Variants in PDIA4 observed in about 807,000 individuals in gnomAD.
The protein encoded by PDIA4 is protein disulfide isomerase family A member 4.
In PDIA4, 33 loss-of-function variants were observed where a neutral mutation model predicts 62.1. That is an observed-to-expected ratio of 0.53 (90% CI 0.40 to 0.71). The LOEUF is 0.71. Ranked by LOEUF, PDIA4 falls within the 30% of genes least tolerant of loss-of-function variation. PDIA4 has a pLI of 0.00. For missense variants in PDIA4, 804 were observed against 813.6 expected (o/e 0.99, Z 0.14); for synonymous variants, 341 against 324.1 (o/e 1.05, Z -0.56).
At chr7:149,004,777 T>G (rs1158704789) in intron 9 of PDIA4, among the ~76,000 whole-genome samples, 1 of 152,204 alleles carries the variant, frequency 6.6e-6, no homozygotes. Flanking sequence ...GGCCCTAGTC[T>G]GGAATTTTAG....
intron 1 of PDIA4, among the ~76,000 whole-genome samples, chr7:149,023,532 G>A (rs969649677): frequency 3.9e-5 from 6 of 152,066 alleles, no homozygotes; most frequent in East Asian, 1.9e-4. Flanking sequence ...TGGCAGTTAA[G>A]TAGTGCTTTG....
rs149735013 is a variant in PDIA4 at position 149,006,021 on chromosome 7, G to C, written c.1164C>G (p.Phe388Leu). 8 of 1,564,464 alleles carry C rather than the reference G, an allele frequency of 5.1e-6. No individual in the cohort carries two copies. The highest frequency in any genetic ancestry group is 2.0e-5 in the Admixed American group (1 of 49,184). Reference protein sequence around the residue: ...GSTQDSAIKDFVLKYALPLVG... With the variant: ...GSTQDSAIKDLVLKYALPLVG... ...CCAGGGGCAGGGCGTACTTCAGCAC[G>C]AAGTCCTTGATGGCCGAGTCCTGGG... Residue 388 changes from phenylalanine (F) to leucine (L), a missense_variant, in exon 8 of 10, where the codon TTC becomes TTG. Coordinates refer to ENST00000652332, the MANE Select transcript of PDIA4 (RefSeq NM_004911.5).
rs557254018 is a variant in PDIA4, at chr7:149,024,426, C to T, written c.89-3279G>A. 7.2e-5 allele frequency among the ~76,000 whole-genome samples: 11 copies of T among 152,230 alleles called. No individual in the cohort carries two copies. In the South Asian group the frequency reaches 2.3e-3, roughly 32 times the overall value. On this transcript the variant is annotated intron_variant, in intron 1 of 9. Coordinates refer to ENST00000652332, the MANE Select transcript of PDIA4 (RefSeq NM_004911.5). The stretch of plus-strand genomic sequence containing the variant: ...CTCTAGCCTTCTATCTACCAGAAAC[C>T]CACACATCCCTGCAAGCAAAACAGT...
rs915231590 is a variant in PDIA4 at position 149,003,911 on chromosome 7, G to A, written c.1821C>T (p.Pro607=). The change falls in exon 10 of 10, where the codon CCC becomes CCT. Residue 607 remains proline (P), a synonymous_variant. Transcript: ENST00000652332. ...VEGFPTIYFA[P]SGDKKNPVKF... ...TAACTGGGTTCTTTTTGTCCCCACT[G>A]GGGGCGAAGTAGATGGTGGGGAAGC... The A allele has an allele frequency of 9.9e-6, 16 of 1,613,232 alleles. No individual in the cohort carries two copies. Among genetic ancestry groups the A allele is most frequent in the African/African-American group, 6.7e-5 (5 of 74,880 alleles).
Position 149,012,235 on chromosome 7 carries a change from A to C in PDIA4, c.740T>G (p.Phe247Cys). ...CAGGGTGGGATAGCCAGAGACATCA[A>C]ACCTCTTGGCCAGGTCTGTTTCTGC... ...ATAETDLAKR[F>C]DVSGYPTLKI... Residue 247 changes from phenylalanine (F) to cysteine (C), a missense_variant, in exon 5 of 10, where the codon TTT becomes TGT. By Grantham distance (205) the Phe-to-Cys change is radical. Transcript: ENST00000652332. The C allele has an allele frequency of 6.2e-7, 1 of 1,613,992 alleles. No homozygotes were observed. Among genetic ancestry groups the C allele is most frequent in the Non-Finnish European group, 8.5e-7 (1 of 1,179,958 alleles).
At position 149,005,196 on chromosome 7, in the gene PDIA4, C is replaced by T; in HGVS notation, c.1467G>A (p.Glu489=). ...GGGTGTCAGAGTCAAACTCCTCTGG[C>T]TCCATGGCGAACTTCTTCCCACTCT... ...LDESGKKFAM[E]PEEFDSDTLR... is the part of the protein sequence containing the mutation. Residue 489 remains glutamate (E), a synonymous_variant, in exon 9 of 10, where the codon GAG becomes GAA. Coordinates refer to ENST00000652332, the MANE Select transcript of PDIA4 (RefSeq NM_004911.5). The T allele has an allele frequency of 6.2e-7, 1 of 1,614,174 alleles. No homozygotes were observed. Among genetic ancestry groups the T allele is most frequent in the Non-Finnish European group, 8.5e-7 (1 of 1,180,014 alleles).
chr7:149,022,726 C>T (rs1451840648), intron 1 of PDIA4, among the ~76,000 whole-genome samples: 6 of 152,284 alleles, frequency 3.9e-5, no homozygotes, highest in East Asian at 1.9e-4. Context: ...TGCCTAGCCA[C>T]GGAGGCAGCC....
chr7:149,004,238 C>A (rs775815746), intron 9 of PDIA4, 29 bp from the exon 10 acceptor site: 4 of 1,592,298 alleles, frequency 2.5e-6, no homozygotes, highest in Middle Eastern at 3.6e-4. Flanking sequence ...CGGGAGGGGG[C>A]GTCAGTGCTG....
In PDIA4 at chr7:149,028,358, C is replaced by T; in HGVS notation, c.51G>A (p.Gln17=). Residue 17 remains glutamine, a synonymous_variant, in exon 1 of 10, where the codon CAG becomes CAA. Coordinates refer to ENST00000652332, the MANE Select transcript of PDIA4 (RefSeq NM_004911.5). ...CCTCGGCACCCGCCACGGCCAGCAG[C>T]TGCACCAGCCCCAAGAGCAGCAGGA... ...FLLLLLLGLV[Q]LLAVAGAEGP... 4 of 1,527,298 alleles carry T rather than the reference C, an allele frequency of 2.6e-6. No homozygotes were observed. Among genetic ancestry groups the T allele is most frequent in the Non-Finnish European group, 3.5e-6 (4 of 1,138,922 alleles). The allele number at this position is 1,527,298 out of a possible 1,614,324, so 94.6% of individuals were successfully genotyped here. A position where few individuals can be genotyped will look rare whatever the true frequency, so the allele number is the denominator to read the frequency against.
At position 149,028,448 on chromosome 7, in the gene PDIA4, C is replaced by T. The variant is rs777565073; in HGVS notation, c.-40G>A. The T allele has an allele frequency of 4.6e-5, 63 of 1,370,458 alleles. No individual in the cohort carries two copies. Among genetic ancestry groups the T allele is most frequent in the African/African-American group, 1.1e-4 (7 of 65,334 alleles). The allele number at this position is 1,370,458 out of a possible 1,614,324, so 84.9% of individuals were successfully genotyped here. A position where few individuals can be genotyped will look rare whatever the true frequency, so the allele number is the denominator to read the frequency against. ...AGCGCGGCCTCCTAGCGTCGGCGGC[C>T]GCTGAGCGCACCGAGAACTCGGGGT... On this transcript the variant is annotated 5_prime_UTR_variant, in exon 1 of 10. Transcript: ENST00000652332.
intron 3 of PDIA4, among the ~76,000 whole-genome samples, 166 bp downstream of exon 3, chr7:149,018,826 C>A (rs1465378440): frequency 7.1e-6 from 1 of 140,262 alleles, no homozygotes; most frequent in Non-Finnish European, 1.6e-5. Context: ...ACTACTCCCC[C>A]CTCCTACCCC....
Position 149,006,415 on chromosome 7 carries a change from T to C in PDIA4, c.1132-362A>G, listed in dbSNP as rs1009231032. On this transcript the variant is annotated intron_variant, in intron 7 of 9. Coordinates refer to ENST00000652332, the MANE Select transcript of PDIA4 (RefSeq NM_004911.5). ...TGTGGAACTTTCCACCTTCAGCTTG[T>C]GCGGTCTTCACGCAGGAGGTCCTGA... is the stretch of plus-strand genomic sequence containing the variant. The C allele has an allele frequency of 1.7e-4, 33 of 198,214 alleles. 1 individual carries two copies. Among genetic ancestry groups the C allele is most frequent in the African/African-American group, 7.3e-4 (31 of 42,346 alleles). The allele number at this position is 198,214 out of a possible 1,614,324, so 12.3% of individuals were successfully genotyped here. A position where few individuals can be genotyped will look rare whatever the true frequency, so the allele number is the denominator to read the frequency against.
At chr7:149,004,348 A>G in intron 9 of PDIA4, 139 bp from the exon 10 acceptor site, 1 of 767,448 alleles carries the variant, frequency 1.3e-6, no homozygotes, top group Non-Finnish European at 2.1e-6. Flanking sequence ...CTACTGTAGA[A>G]AGTAGTAGCT....
intron 2 of PDIA4, 39 bp from the exon 3 acceptor site, chr7:149,019,236 T>A (rs1824258367): frequency 7.3e-7 from 1 of 1,362,152 alleles, no homozygotes. Context: ...ACGTTAACTG[T>A]ACCTATGGGA....
intron 1 of PDIA4, among the ~76,000 whole-genome samples, chr7:149,024,045 G>A (rs1348839664): frequency 6.6e-6 from 1 of 152,184 alleles, no homozygotes; most frequent in East Asian, 1.9e-4. Context: ...TCAGGAGTTT[G>A]AGACCAGCCT....
chr7:149,012,208 T>G lies in PDIA4; in HGVS notation c.767A>C (p.Lys256Thr). The G allele has an allele frequency of 6.2e-7, 1 of 1,614,122 alleles. No individual in the cohort carries two copies. Among genetic ancestry groups the G allele is most frequent in the South Asian group, 1.1e-5 (1 of 91,074 alleles). The change falls in exon 5 of 10, where the codon AAA (lysine) becomes ACA (threonine). Residue 256 changes from lysine (K) to threonine (T), a missense_variant. Transcript: ENST00000652332. ...ATAAGGCCTTCCTTTGCGGAAAATT[T>G]TCAGGGTGGGATAGCCAGAGACATC... ...RFDVSGYPTLKIFRKGRPYDY... is the reference protein window; with the variant it reads ...RFDVSGYPTLTIFRKGRPYDY...
chr7:149,027,472 A>G (rs1824598440), intron 1 of PDIA4, among the ~76,000 whole-genome samples: 1 of 152,226 alleles, frequency 6.6e-6, no homozygotes, highest in African/African-American at 2.4e-5. Flanking sequence ...CAAACTCAGA[A>G]GGTTAAAAAG....
intron 4 of PDIA4, among the ~76,000 whole-genome samples, chr7:149,013,016 G>A (rs1007283447): frequency 6.6e-6 from 1 of 152,172 alleles, no homozygotes; most frequent in Non-Finnish European, 1.5e-5. Context: ...GGGAGGCCGA[G>A]GCAGGTGGAT....
chr7:149,008,834 G>A (rs888247597), intron 6 of PDIA4, among the ~76,000 whole-genome samples: 2 of 151,638 alleles, frequency 1.3e-5, no homozygotes, highest in Non-Finnish European at 2.9e-5. Flanking sequence ...AAGGTATAAC[G>A]TCTAAATCCT....
Sources: allele counts gnomAD v4.1 joint callset (sites outside exome capture counted in the v4.1 genomes callset), GRCh38; gene constraint gnomAD v4.1.1; transcripts MANE v1.5; gene names NCBI Gene and HGNC (gene_info 2026-07-23, HGNC 2026-07-21).